C2orf49: variants seen among roughly 807,000 people sequenced by gnomAD.
The protein encoded by C2orf49 is tRNA splicing ligase complex subunit 2.
In C2orf49, 11 loss-of-function variants were observed where a neutral mutation model predicts 20.6. The observed-to-expected ratio is 0.53, with a 90% confidence interval of 0.34 to 0.88. C2orf49 has a LOEUF of 0.88. Ranked by LOEUF, C2orf49 falls within the 40% of genes least tolerant of loss-of-function variation. The pLI, the probability that C2orf49 is intolerant of heterozygous loss-of-function variation, is 0.02. For missense variants in C2orf49, 289 were observed against 274.2 expected, an observed-to-expected ratio of 1.05 and a Z score of -0.38; for synonymous variants, 134 against 108.5, an observed-to-expected ratio of 1.24 and a Z score of -1.46.
chr2:105,338,051 A>G (rs1051820020), intron 1 of C2orf49, among the ~76,000 whole-genome samples: 1 of 152,222 alleles, frequency 6.6e-6, no homozygotes, highest in Non-Finnish European at 1.5e-5. Context: ...ACTGGAAAGC[A>G]TCTGAGAAAC....
the C2orf49 span, chr2:105,376,436 A>G: frequency 2.0e-5 from 3 of 152,220 alleles, no homozygotes; most frequent in Non-Finnish European, 4.4e-5. Context: ...GTGGCTCAGT[A>G]TTGCCTTTGT....
chr2:105,370,006 A>G, the C2orf49 span, among the ~76,000 whole-genome samples: 1 of 152,202 alleles, frequency 6.6e-6, no homozygotes, highest in African/African-American at 2.4e-5. Flanking sequence ...TCCTAACTGA[A>G]TCGCACACTC....
chr2:105,361,671 T>C, the C2orf49 span, among the ~76,000 whole-genome samples: 1 of 152,164 alleles, frequency 6.6e-6, no homozygotes, highest in Admixed American at 6.5e-5. Flanking sequence ...ATGGGATAAG[T>C]GCGATCAAAG....
chr2:105,344,427 GT>G (rs1679755007), intron 3 of C2orf49, among the ~76,000 whole-genome samples: 1 of 151,768 alleles, frequency 6.6e-6, no homozygotes, highest in South Asian at 2.1e-4. Context: ...AAATTTTACT[GT>G]TTTATAGATA....
the C2orf49 span, chr2:105,363,183 G>A: frequency 9.1e-7 from 1 of 1,103,636 alleles, no homozygotes; most frequent in Admixed American, 2.1e-5. Flanking sequence ...GCCTTAGGGA[G>A]GTCTGGGGAG....
chr2:105,368,672 A>T, the C2orf49 span, among the ~76,000 whole-genome samples: 1 of 152,152 alleles, frequency 6.6e-6, no homozygotes, highest in Non-Finnish European at 1.5e-5. Context: ...AGCTGGACTC[A>T]CTGCAAGTGC....
At chr2:105,354,046 T>C (rs959305076), downstream of C2orf49, among the ~76,000 whole-genome samples, 4 of 152,252 alleles carry the variant, frequency 2.6e-5, no homozygotes, top group East Asian at 1.9e-4. Context: ...TCAATACATA[T>C]ACCTCGGGCT....
At chr2:105,341,618 T>C (rs868844522) in intron 2 of C2orf49, among the ~76,000 whole-genome samples, 31 of 152,246 alleles carry the variant, frequency 2.0e-4, no homozygotes, top group Admixed American at 6.5e-5. Context: ...ACAGTGAGCT[T>C]ACTTCTCATT....
At chr2:105,349,418 A>C (rs887441724), downstream of C2orf49, among the ~76,000 whole-genome samples, 1 of 152,164 alleles carries the variant, frequency 6.6e-6, no homozygotes, top group African/African-American at 2.4e-5. Flanking sequence ...TAACACATAG[A>C]TTCTTCATTT....
downstream of C2orf49, among the ~76,000 whole-genome samples, chr2:105,352,328 A>C (rs1414609871): frequency 6.6e-6 from 1 of 151,912 alleles, no homozygotes; most frequent in African/African-American, 2.4e-5. Context: ...ACATCCATTC[A>C]ACAGTTTTAA....
At position 105,342,129 on chromosome 2, in the gene C2orf49, G is replaced by A. The variant is rs561627742; in HGVS notation, c.267-719G>A. 7.2e-5 allele frequency among the ~76,000 whole-genome samples: 11 copies of A among 152,352 alleles called. No individual in the cohort carries two copies. The South Asian group carries it at 1.4e-3, about 20-fold the overall frequency. ...AGAGGTTGCAGTGAGCCGAGATCGC[G>A]CCATCGCACGCCACCCTGGGCAACA... is the stretch of plus-strand genomic sequence containing the variant. On this transcript the variant is annotated intron_variant, in intron 2 of 3. Coordinates refer to ENST00000258457, the MANE Select transcript of C2orf49 (RefSeq NM_024093.3).
At chr2:105,364,777 ATAT>A in the C2orf49 span, among the ~76,000 whole-genome samples, 6 of 152,174 alleles carry the variant, frequency 3.9e-5, no homozygotes, top group Non-Finnish European at 5.9e-5. Context: ...AGTAGGAAAG[ATAT>A]TATCTTAATT....
At chr2:105,373,756 A>G in the C2orf49 span, 5 of 1,612,914 alleles carry the variant, frequency 3.1e-6, no homozygotes, top group Middle Eastern at 3.8e-4. Context: ...ACCACACAAG[A>G]CAGTCAGAGG....
chr2:105,378,113 C>A, the C2orf49 span: 1 of 461,764 alleles, frequency 2.2e-6, no homozygotes, highest in Non-Finnish European at 4.5e-6. Flanking sequence ...AGCACATCAG[C>A]ATGCCTGCAC....
At chr2:105,363,204 T>C in the C2orf49 span, 1 of 1,403,928 alleles carries the variant, frequency 7.1e-7, no homozygotes, top group East Asian at 2.3e-5. Context: ...TTGAGGGATA[T>C]AGACAGGGTC....
At chr2:105,363,123 T>A in the C2orf49 span, 1 of 636,612 alleles carries the variant, frequency 1.6e-6, no homozygotes, top group Non-Finnish European at 2.8e-6. Context: ...GCATAGCCAG[T>A]GCACCAAGGA....
chr2:105,377,171 G>A, the C2orf49 span, among the ~76,000 whole-genome samples: 7 of 152,268 alleles, frequency 4.6e-5, 1 homozygote, highest in South Asian at 6.2e-4. Flanking sequence ...AATACTAGGC[G>A]TAAATGGGCT....
chr2:105,368,469 C>T, the C2orf49 span, among the ~76,000 whole-genome samples: 2 of 152,220 alleles, frequency 1.3e-5, no homozygotes, highest in Non-Finnish European at 2.9e-5. Flanking sequence ...GCTGGAACTA[C>T]AGGTGCACAC....
At chr2:105,373,974 CTG>C in the C2orf49 span, 2 of 547,804 alleles carry the variant, frequency 3.7e-6, no homozygotes, top group Non-Finnish European at 6.6e-6. Context: ...ATGCACATGT[CTG>C]TGTGTGAGAG....
Sources: allele counts gnomAD v4.1 joint callset (sites outside exome capture counted in the v4.1 genomes callset), GRCh38; gene constraint gnomAD v4.1.1; transcripts MANE v1.5; gene names NCBI Gene and HGNC (gene_info 2026-07-23, HGNC 2026-07-21).